The following WASL variants were observed in gnomAD, a reference collection of about 807,000 sequenced individuals.
WASL encodes actin nucleation-promoting factor WASL.
A neutral mutation model predicts 55.5 loss-of-function variants in WASL; 20 were observed. The observed-to-expected ratio is 0.36, with a 90% CI of 0.25 to 0.52. The LOEUF (loss-of-function observed/expected upper bound fraction) is 0.52, where lower values mean the gene tolerates loss of function less well. Ranked by LOEUF, WASL falls within the 20% of genes least tolerant of loss-of-function variation. WASL has a pLI of 0.92. For synonymous variants in WASL, 249 were observed against 217.6 expected (o/e 1.14, Z -1.27); for missense variants, 504 against 622.5 (o/e 0.81, Z 2.03).
chr7:123,722,681 G>A (rs892601701), intron 1 of WASL, among the ~76,000 whole-genome samples: 8 of 152,084 alleles, frequency 5.3e-5, no homozygotes, highest in Non-Finnish European at 8.8e-5. Flanking sequence ...TCAGCCAGGC[G>A]TGGTGGTGTG....
chr7:123,748,958 C>T lies in WASL; in HGVS notation c.-224G>A. On this transcript the variant is annotated 5_prime_UTR_variant, in exon 1 of 11. Coordinates refer to ENST00000223023, the MANE Select transcript of WASL (RefSeq NM_003941.4). The stretch of plus-strand genomic sequence containing the variant: ...AGGGAAGCTCCCGGCACCCGCCCGG[C>T]CAGGCTAGGGCCGGATGGTCGTTGT... 1 of 568,810 alleles carries T rather than the reference C, an allele frequency of 1.8e-6. No individual in the cohort carries two copies. Among genetic ancestry groups the T allele is most frequent in the Non-Finnish European group, 3.1e-6 (1 of 322,250 alleles). 35.2% of individuals were successfully genotyped at this position (568,810 alleles called of 1,614,324 possible).
chr7:123,682,425 AAATT>A lies in WASL; in HGVS notation c.*2090_*2093del, dbSNP rs1319845705. 1 of 152,148 alleles carries A rather than the reference AAATT, an allele frequency of 6.6e-6. No individual in the cohort carries two copies. Among genetic ancestry groups the A allele is most frequent in the Non-Finnish European group, 1.5e-5 (1 of 68,024 alleles). 9.4% of individuals were successfully genotyped at this position (152,148 alleles called of 1,614,324 possible). On this transcript the variant is annotated 3_prime_UTR_variant, in exon 11 of 11. Coordinates refer to ENST00000223023, the MANE Select transcript of WASL (RefSeq NM_003941.4). ...TTTTCTTCTTTAAGAAAAAAAGAAT[AAATT>A]AATTACCTTTGGCAAATTATATATC...
intron 1 of WASL, among the ~76,000 whole-genome samples, chr7:123,741,598 A>C (rs896946648): frequency 2.6e-5 from 4 of 152,170 alleles, no homozygotes; most frequent in African/African-American, 7.2e-5. Context: ...TGCTCTTTTA[A>C]AATCTGTTTT....
intron 4 of WASL, 46 bp from the exon 5 acceptor site, chr7:123,704,703 C>T (rs1346339748): frequency 8.2e-7 from 1 of 1,226,172 alleles, no homozygotes; most frequent in Non-Finnish European, 1.1e-6. Context: ...ATATGTAAGA[C>T]AACATCAACA....
At chr7:123,698,783 G>A (rs1051665773) in intron 5 of WASL, among the ~76,000 whole-genome samples, 2 of 152,140 alleles carry the variant, frequency 1.3e-5, no homozygotes, top group Non-Finnish European at 1.5e-5. Flanking sequence ...TGATTAGGAT[G>A]TGAATTTTCA....
At chr7:123,722,107 A>G (rs1803959283) in intron 1 of WASL, among the ~76,000 whole-genome samples, 1 of 152,084 alleles carries the variant, frequency 6.6e-6, no homozygotes, top group Non-Finnish European at 1.5e-5. Flanking sequence ...ACTAGCCACA[A>G]TGGCTATTCA....
At position 123,684,284 on chromosome 7, in the gene WASL, GT is replaced by G. The variant is rs1301131679; in HGVS notation, c.*234del. 1.5e-5 allele frequency: 3 copies of G among 200,990 alleles called. No homozygotes were observed. The highest frequency in any genetic ancestry group is 3.0e-5 in the Non-Finnish European group (3 of 100,538). The allele number at this position is 200,990 out of a possible 1,614,324, so 12.5% of individuals were successfully genotyped here. A position where few individuals can be genotyped will look rare whatever the true frequency, so the allele number is the denominator to read the frequency against. On this transcript the variant is annotated 3_prime_UTR_variant, in exon 11 of 11. Transcript: ENST00000223023. ...GGAATGAAAAATATTCACAAATCAA[GT>G]GAGCATCCTGGTGTAAACTTGCACA...
chr7:123,694,922 T>C, intron 7 of WASL, 54 bp from the exon 8 acceptor site: 2 of 1,544,580 alleles, frequency 1.3e-6, no homozygotes, highest in Middle Eastern at 2.3e-4. Flanking sequence ...TTAAAAAACA[T>C]AATTTTAAGT....
chr7:123,735,717 C>G (rs985182500), intron 1 of WASL, among the ~76,000 whole-genome samples: 3 of 151,910 alleles, frequency 2.0e-5, no homozygotes, highest in African/African-American at 4.8e-5. Context: ...AAAGGCATAG[C>G]AACAACTGCT....
At chr7:123,748,511 C>G in intron 1 of WASL, 107 bp downstream of exon 1, 1 of 1,211,020 alleles carries the variant, frequency 8.3e-7, no homozygotes, top group Non-Finnish European at 1.2e-6. Context: ...TGGCGGGAGG[C>G]CTGGCCCGCG....
chr7:123,732,910 A>T (rs774600394), intron 1 of WASL, among the ~76,000 whole-genome samples: 1 of 152,234 alleles, frequency 6.6e-6, no homozygotes, highest in Non-Finnish European at 1.5e-5. Flanking sequence ...ATAACCTATC[A>T]TATCAATAGG....
At chr7:123,685,520 CCAT>C (rs796932282) in intron 10 of WASL, among the ~76,000 whole-genome samples, 5 of 152,130 alleles carry the variant, frequency 3.3e-5, no homozygotes, top group African/African-American at 9.6e-5. Flanking sequence ...CCTTTCCTGA[CCAT>C]CATATGTAAA....
intron 10 of WASL, among the ~76,000 whole-genome samples, chr7:123,688,739 G>A (rs565476696): frequency 6.6e-6 from 1 of 152,218 alleles, no homozygotes; most frequent in South Asian, 2.1e-4. Flanking sequence ...TTGTTTGCTA[G>A]GAAGTCTATT....
At chr7:123,712,701 G>A (rs1803777788) in intron 1 of WASL, among the ~76,000 whole-genome samples, 1 of 152,104 alleles carries the variant, frequency 6.6e-6, no homozygotes, top group Admixed American at 6.6e-5. Flanking sequence ...TCTTGAGAAG[G>A]TGGTCCTCTC....
At position 123,682,734 on chromosome 7, in the gene WASL, G is replaced by T. The variant is rs971527553; in HGVS notation, c.*1785C>A. ...TTTTGTACAAACTCCTGATTTTATT[G>T]GTTAGTAGTTGTCCAGCCTCATCTG... On this transcript the variant is annotated 3_prime_UTR_variant, in exon 11 of 11. Transcript: ENST00000223023. 1 of 151,940 alleles carries T rather than the reference G, an allele frequency of 6.6e-6. No homozygotes were observed. Among genetic ancestry groups the T allele is most frequent in the Non-Finnish European group, 1.5e-5 (1 of 67,948 alleles). 9.4% of individuals were successfully genotyped at this position (151,940 alleles called of 1,614,324 possible).
intron 9 of WASL, among the ~76,000 whole-genome samples, chr7:123,690,609 GCTT>G (rs540249042): frequency 5.9e-3 from 287 of 48,824 alleles, no homozygotes; most frequent in African/African-American, 0.017. Context: ...AGGTTTTGCT[GCTT>G]CTTTTTTTTT....
At chr7:123,720,903 C>T (rs1229141776) in intron 1 of WASL, among the ~76,000 whole-genome samples, 1 of 151,920 alleles carries the variant, frequency 6.6e-6, no homozygotes, top group Non-Finnish European at 1.5e-5. Flanking sequence ...ACTCAAATCA[C>T]ATTATGGTGC....
intron 3 of WASL, 21 bp downstream of exon 3, chr7:123,706,719 A>G (rs1424115246): frequency 3.3e-6 from 5 of 1,505,772 alleles, no homozygotes; most frequent in East Asian, 2.3e-5. Flanking sequence ...AAAGATGGCA[A>G]TAAAGAAAAA....
chr7:123,739,918 A>G (rs2052127), intron 1 of WASL, among the ~76,000 whole-genome samples: 681 of 44,320 alleles, frequency 0.015, 4 homozygotes, highest in African/African-American at 0.028. Flanking sequence ...GTGTGTGTAT[A>G]TATATATATA....
Sources: gnomAD v4.1 joint callset for allele counts (sites outside exome capture counted in the v4.1 genomes callset) on GRCh38, gnomAD v4.1.1 for gene constraint, MANE v1.5 for transcripts, NCBI Gene and HGNC (gene_info 2026-07-23, HGNC 2026-07-21) for gene names.